The following BLM variants were observed in gnomAD, a reference collection of about 807,000 sequenced individuals.
BLM encodes the protein BLM RecQ like helicase.
In BLM, 95 loss-of-function variants were observed where a neutral mutation model predicts 135.3. The ratio of observed to expected loss-of-function variants is 0.70; its 90% CI spans 0.59 to 0.83. The LOEUF is 0.83. Ranked by LOEUF, BLM falls within the 40% of genes least tolerant of loss-of-function variation. The pLI is 0.00. For missense variants in BLM, 1,518 were observed against 1,663.9 expected, an observed-to-expected ratio of 0.91 and a Z score of 1.53; for synonymous variants, 520 against 589.2, an observed-to-expected ratio of 0.88 and a Z score of 1.70.
intron 9 of BLM, among the ~76,000 whole-genome samples, chr15:90,766,511 T>A (rs1896130938): frequency 6.6e-6 from 1 of 152,170 alleles, no homozygotes; most frequent in South Asian, 2.1e-4. Flanking sequence ...CACTGCAACC[T>A]CTGCCTCCCA....
intron 12 of BLM, among the ~76,000 whole-genome samples, chr15:90,776,816 A>C (rs1461766454): frequency 6.6e-6 from 1 of 152,188 alleles, no homozygotes; most frequent in East Asian, 1.9e-4. Context: ...CTGGGATTAC[A>C]GGCGTGAGCC....
chr15:90,784,631 C>T (rs1408824873), intron 13 of BLM, among the ~76,000 whole-genome samples: 3 of 151,452 alleles, frequency 2.0e-5, no homozygotes, highest in Non-Finnish European at 4.4e-5. Flanking sequence ...CCACCGCGCC[C>T]GGCCAAGGAT....
chr15:90,777,656 TA>T (rs1168843434), intron 12 of BLM, among the ~76,000 whole-genome samples: 2 of 152,240 alleles, frequency 1.3e-5, no homozygotes, highest in Non-Finnish European at 2.9e-5. Context: ...CAGTAGAATC[TA>T]ACTTTTAAGA....
At chr15:90,725,058 A>G (rs1230806401) in intron 1 of BLM, among the ~76,000 whole-genome samples, 1 of 152,056 alleles carries the variant, frequency 6.6e-6, no homozygotes. Flanking sequence ...ATAGGTGTGC[A>G]CCATCATGCC....
intron 1 of BLM, among the ~76,000 whole-genome samples, chr15:90,737,548 G>A (rs1279421035): frequency 6.6e-6 from 1 of 152,166 alleles, no homozygotes; most frequent in South Asian, 2.1e-4. Context: ...GAAAGTGCCT[G>A]ATGGGAACAC....
At chr15:90,746,686 A>C (rs1245503085) in intron 1 of BLM, among the ~76,000 whole-genome samples, 2 of 152,224 alleles carry the variant, frequency 1.3e-5, no homozygotes, top group Admixed American at 6.5e-5. Context: ...GGTTATAACT[A>C]TCAGCTAAAG....
chr15:90,806,616 G>A (rs1897291892), intron 19 of BLM, among the ~76,000 whole-genome samples: 1 of 151,912 alleles, frequency 6.6e-6, no homozygotes, highest in South Asian at 2.1e-4. Flanking sequence ...TATGTCTTTA[G>A]TTAATAAATA....
At chr15:90,721,024 C>A (rs1417996020) in intron 1 of BLM, among the ~76,000 whole-genome samples, 1 of 152,086 alleles carries the variant, frequency 6.6e-6, no homozygotes, top group South Asian at 2.1e-4. Context: ...AAAACCCCGT[C>A]TCTACCAAAA....
chr15:90,723,031 G>A (rs1186007320), intron 1 of BLM, among the ~76,000 whole-genome samples: 2 of 152,000 alleles, frequency 1.3e-5, no homozygotes. Context: ...TAGTAGAGAC[G>A]GGGTTACATC....
intron 1 of BLM, among the ~76,000 whole-genome samples, chr15:90,740,304 T>C (rs1022905112): frequency 2.0e-5 from 3 of 152,218 alleles, no homozygotes; most frequent in East Asian, 1.9e-4. Flanking sequence ...TCTATTCTTA[T>C]ACATTTCATA....
chr15:90,738,568 A>AC (rs1895281250), intron 1 of BLM, among the ~76,000 whole-genome samples: 1 of 130,206 alleles, frequency 7.7e-6, no homozygotes, highest in South Asian at 2.2e-4. Flanking sequence ...GTTTCAAAAA[A>AC]CAAAACAAAA....
chr15:90,727,525 T>TTCCCACTGTGGCTACAGTGGGC lies in BLM; in HGVS notation c.-5+10085_-5+10086insTCCCACTGTGGCTACAGTGGGC, dbSNP rs28745019. ...CTTTCCTACACTGATCAGGTTGTTT[T>TTCCCACTGTGGCTACAGTGGGC]ACTAATACCTGTTTTCCTTCTGAGA... On this transcript the variant is annotated intron_variant, in intron 1 of 21. Transcript: ENST00000355112. Among the ~76,000 whole-genome samples, 184 of 152,302 alleles carry TTCCCACTGTGGCTACAGTGGGC rather than the reference T, an allele frequency of 1.2e-3. 1 individual carries two copies. Among genetic ancestry groups the TTCCCACTGTGGCTACAGTGGGC allele is most frequent in the African/African-American group, 4.3e-3 (177 of 41,552 alleles).
At chr15:90,726,240 T>C (rs1338828553) in intron 1 of BLM, among the ~76,000 whole-genome samples, 2 of 152,184 alleles carry the variant, frequency 1.3e-5, no homozygotes, top group Non-Finnish European at 2.9e-5. Context: ...CAGAACTTAT[T>C]CTTCCCATCT....
chr15:90,731,744 T>C (rs1895074260), intron 1 of BLM, among the ~76,000 whole-genome samples: 1 of 152,156 alleles, frequency 6.6e-6, no homozygotes, highest in South Asian at 2.1e-4. Flanking sequence ...TTTTTGTCTT[T>C]TTACAGAACA....
intron 1 of BLM, among the ~76,000 whole-genome samples, chr15:90,736,203 T>C (rs1895211562): frequency 6.6e-6 from 1 of 152,182 alleles, no homozygotes; most frequent in Non-Finnish European, 1.5e-5. Context: ...TACACATGCA[T>C]TTGCCCTTTG....
intron 2 of BLM, among the ~76,000 whole-genome samples, chr15:90,748,595 C>A (rs1596216927): frequency 6.6e-6 from 1 of 152,072 alleles, no homozygotes; most frequent in African/African-American, 2.4e-5. Flanking sequence ...TTTGAAGTCA[C>A]CACTGACTTT....
intron 1 of BLM, among the ~76,000 whole-genome samples, chr15:90,742,057 G>A (rs1895377099): frequency 6.6e-6 from 1 of 152,124 alleles, no homozygotes; most frequent in Non-Finnish European, 1.5e-5. Flanking sequence ...TGAACGAAGA[G>A]AACATATGAC....
chr15:90,782,701 C>T (rs993206706), intron 12 of BLM, 121 bp from the exon 13 acceptor site: 7 of 739,394 alleles, frequency 9.5e-6, no homozygotes, highest in Non-Finnish European at 1.6e-5. Flanking sequence ...CCCGGAGGCT[C>T]CAACTCCTAA....
chr15:90,758,076 C>T (rs113607778), intron 5 of BLM, among the ~76,000 whole-genome samples: 6 of 151,868 alleles, frequency 4.0e-5, no homozygotes, highest in East Asian at 1.9e-4. Flanking sequence ...GACAGGGTTT[C>T]GCCACGTTGA....
Sources: gnomAD v4.1 joint callset for allele counts (sites outside exome capture counted in the v4.1 genomes callset) on GRCh38, gnomAD v4.1.1 for gene constraint, MANE v1.5 for transcripts, NCBI Gene and HGNC (gene_info 2026-07-23, HGNC 2026-07-21) for gene names.